The following PDE11A variants were observed in gnomAD, a reference collection of about 807,000 sequenced individuals.
The protein encoded by PDE11A is dual 3',5'-cyclic-AMP and -GMP phosphodiesterase 11A.
A neutral mutation model predicts 100.5 loss-of-function variants in PDE11A; 100 were observed. The ratio of observed to expected loss-of-function variants is 1.00; its 90% CI spans 0.85 to 1.18. The LOEUF (loss-of-function observed/expected upper bound fraction) is 1.18. Among genes scored for constraint, PDE11A ranks in the 50% most tolerant of loss-of-function variants. PDE11A has a pLI of 0.00. For missense variants in PDE11A, 1,141 were observed against 1,152.6 expected (o/e 0.99, Z 0.15); for synonymous variants, 381 against 420.8 (o/e 0.91, Z 1.16).
At chr2:178,072,890 A>G (rs2087158106), upstream of PDE11A, 2 of 1,131,006 alleles carry the variant, frequency 1.8e-6, no homozygotes, top group Non-Finnish European at 2.2e-6. Flanking sequence ...GACCAGCCAA[A>G]GTCCACGGCC....
intron 10 of PDE11A, among the ~76,000 whole-genome samples, chr2:177,754,293 A>G (rs1036156864): frequency 1.3e-5 from 2 of 152,202 alleles, no homozygotes; most frequent in African/African-American, 4.8e-5. Flanking sequence ...AATCTCCCTG[A>G]GTCTACATTC....
In PDE11A at chr2:177,663,918, A is replaced by G. The variant is rs1054683251; in HGVS notation, c.2594T>C (p.Leu865Pro). 2.5e-6 allele frequency: 4 copies of G among 1,612,452 alleles called. No individual in the cohort carries two copies. The highest frequency in any genetic ancestry group is 3.4e-6 in the Non-Finnish European group (4 of 1,178,568). ...AATCCACTCCAGTTGCAACCGAGGC[A>G]GTTCATCCTTCCGGTTCCGATCAAA... ...AIFDRNRKDE[L>P]PRLQLEWIDS... is the part of the protein sequence containing the mutation. Residue 865 changes from leucine (L) to proline (P), a missense_variant, in exon 19 of 20, where the codon CTG becomes CCG. Transcript: ENST00000286063.
At chr2:177,764,925 A>G (rs991688796) in intron 10 of PDE11A, among the ~76,000 whole-genome samples, 11 of 152,352 alleles carry the variant, frequency 7.2e-5, no homozygotes, top group African/African-American at 2.6e-4. Flanking sequence ...GTATAGGTGA[A>G]GCTGCAAGAA....
chr2:177,672,487 A>G (rs1393158495), intron 17 of PDE11A, among the ~76,000 whole-genome samples: 1 of 152,202 alleles, frequency 6.6e-6, no homozygotes, highest in African/African-American at 2.4e-5. Flanking sequence ...GAAAGACAGA[A>G]AAAGACCCTA....
At chr2:177,913,344 A>G (rs2084908908) in intron 2 of PDE11A, among the ~76,000 whole-genome samples, 1 of 152,168 alleles carries the variant, frequency 6.6e-6, no homozygotes, top group Admixed American at 6.5e-5. Flanking sequence ...CAACTTATAT[A>G]GCGCTTTTCT....
intron 10 of PDE11A, among the ~76,000 whole-genome samples, chr2:177,764,182 A>G (rs2082208976): frequency 6.6e-6 from 1 of 152,156 alleles, no homozygotes; most frequent in Non-Finnish European, 1.5e-5. Flanking sequence ...AGGAGTACCT[A>G]TTCTTGGTAC....
chr2:177,897,549 G>C (rs1022943783), intron 4 of PDE11A, among the ~76,000 whole-genome samples: 1 of 152,186 alleles, frequency 6.6e-6, no homozygotes, highest in Non-Finnish European at 1.5e-5. Context: ...GCCCAGCTTC[G>C]GTTGGCCATT....
At chr2:177,937,319 C>CTTTTTTTT (rs33967413) in intron 2 of PDE11A, among the ~76,000 whole-genome samples, 2 of 125,770 alleles carry the variant, frequency 1.6e-5, no homozygotes, top group Admixed American at 8.7e-5. Context: ...AAATTGAAAG[C>CTTTTTTTT]TTTTTTTTTT....
At position 177,755,614 on chromosome 2, in the gene PDE11A, C is replaced by T. The variant is rs527455870; in HGVS notation, c.1788+13709G>A. ...TCCAACTGACACACTTTCCTAAGCACACACTCCTCATCACAGTTGACTGGT... is the reference window on the plus strand; with the variant it reads ...TCCAACTGACACACTTTCCTAAGCATACACTCCTCATCACAGTTGACTGGT... On this transcript the variant is annotated intron_variant, in intron 10 of 19. Transcript: ENST00000286063. Among the ~76,000 whole-genome samples the T allele has an allele frequency of 3.3e-5, 5 of 152,328 alleles. No homozygotes were observed. In the South Asian group the frequency reaches 1.0e-3, roughly 32 times the overall value.
At chr2:178,049,904 T>A (rs947042945) in intron 1 of PDE11A, among the ~76,000 whole-genome samples, 49 of 152,184 alleles carry the variant, frequency 3.2e-4, no homozygotes, top group African/African-American at 1.1e-3. Context: ...TGCCTGCCTC[T>A]GTAGATTCCA....
At chr2:178,032,431 C>T (rs2105841922) in intron 1 of PDE11A, among the ~76,000 whole-genome samples, 1 of 151,406 alleles carries the variant, frequency 6.6e-6, no homozygotes, top group Non-Finnish European at 1.5e-5. Context: ...TTGCAGTGAA[C>T]CAAGATCGCA....
intron 1 of PDE11A, among the ~76,000 whole-genome samples, chr2:178,049,844 G>A (rs188234673): frequency 0.025 from 3,790 of 152,254 alleles, 147 homozygotes; most frequent in African/African-American, 0.086. Context: ...GGTAAACAAA[G>A]CGGCCAGGAA....
At chr2:177,641,524 A>C (rs1446937738) in intron 19 of PDE11A, among the ~76,000 whole-genome samples, 1 of 151,662 alleles carries the variant, frequency 6.6e-6, no homozygotes, top group Non-Finnish European at 1.5e-5. Flanking sequence ...CTGGCTGTGG[A>C]GTCCAGATGG....
chr2:177,660,178 G>C (rs1376448567), intron 19 of PDE11A, among the ~76,000 whole-genome samples: 2 of 141,226 alleles, frequency 1.4e-5, no homozygotes, highest in Non-Finnish European at 3.1e-5. Flanking sequence ...CTCCTTCTCT[G>C]TCTCTCTCTC....
Position 177,631,757 on chromosome 2 carries a change from C to A in PDE11A, c.2647-2195G>T, listed in dbSNP as rs189170526. Among the ~76,000 whole-genome samples the A allele has an allele frequency of 2.8e-4, 43 of 150,900 alleles. No homozygotes were observed. The East Asian group carries it at 4.7e-3, about 16-fold the overall frequency. The stretch of plus-strand genomic sequence containing the variant: ...TTTTTAAGCATTCATACTTCTTGGG[C>A]CTGTTTTCCATCTCCAGGGTCTGAA... On this transcript the variant is annotated intron_variant, in intron 19 of 19. Coordinates refer to ENST00000286063, the MANE Select transcript of PDE11A (RefSeq NM_016953.4).
At chr2:177,932,359 G>T (rs1332918668) in intron 2 of PDE11A, among the ~76,000 whole-genome samples, 1 of 152,010 alleles carries the variant, frequency 6.6e-6, no homozygotes, top group Non-Finnish European at 1.5e-5. Flanking sequence ...AATGAAAAAA[G>T]AAAACTACAG....
chr2:177,692,569 C>G (rs16865617), intron 15 of PDE11A, among the ~76,000 whole-genome samples: 2,661 of 152,230 alleles, frequency 0.017, 75 homozygotes, highest in African/African-American at 0.06. Flanking sequence ...ACTTAATTAT[C>G]AAATCCTTAT....
intron 12 of PDE11A, among the ~76,000 whole-genome samples, chr2:177,716,328 C>T (rs140926155): frequency 6.6e-6 from 1 of 152,246 alleles, no homozygotes; most frequent in East Asian, 1.9e-4. Flanking sequence ...TATCTGAGGC[C>T]TCCAGTTCCT....
At chr2:177,949,490 G>A (rs1475238570) in intron 2 of PDE11A, among the ~76,000 whole-genome samples, 1 of 152,046 alleles carries the variant, frequency 6.6e-6, no homozygotes, top group African/African-American at 2.4e-5. Context: ...GTAGGCATCT[G>A]GATTAACCAG....
Sources: gnomAD v4.1 joint callset for allele counts (sites outside exome capture counted in the v4.1 genomes callset) on GRCh38, gnomAD v4.1.1 for gene constraint, MANE v1.5 for transcripts, NCBI Gene and HGNC (gene_info 2026-07-23, HGNC 2026-07-21) for gene names.